The following AP3M1 variants were observed in gnomAD, a reference collection of about 807,000 sequenced individuals.
AP3M1 encodes the protein AP-3 complex subunit mu-1.
In AP3M1, 29 loss-of-function variants were observed where a neutral mutation model predicts 42.6. The ratio of observed to expected loss-of-function variants is 0.68; its 90% confidence interval spans 0.51 to 0.93. The LOEUF is 0.93. Ranked by LOEUF, AP3M1 falls within the 40% of genes least tolerant of loss-of-function variation. The pLI, the probability that AP3M1 is intolerant of heterozygous loss-of-function variation, is 0.00. For synonymous variants in AP3M1, 178 were observed against 175.3 expected, an observed-to-expected ratio of 1.02 and a Z score of -0.12; for missense variants, 416 against 510.2, an observed-to-expected ratio of 0.82 and a Z score of 1.78.
In AP3M1 at chr10:74,140,591, A is replaced by T. The variant is rs541753698; in HGVS notation, c.-3-2209T>A. ...TATGTAGAATTAAAAAGATTGAAAA[A>T]ATATATATATTTGAATTAAAAAAAA... On this transcript the variant is annotated intron_variant, in intron 1 of 8. Transcript: ENST00000355264. 3.1e-4 allele frequency among the ~76,000 whole-genome samples: 47 copies of T among 151,538 alleles called. No homozygotes were observed. In the East Asian group the frequency reaches 5.6e-3, roughly 18 times the overall value.
In AP3M1 at chr10:74,122,812, T is replaced by G. The variant is rs1392494061; in HGVS notation, c.*998A>C. ...CCCTTAAGAACAACAACAAAAAAGA[T>G]TTAAAAAGACTGATGACTGTGAGGC... On this transcript the variant is annotated 3_prime_UTR_variant, in exon 9 of 9. Transcript: ENST00000355264. 2 of 152,138 alleles carry G rather than the reference T, an allele frequency of 1.3e-5. No individual in the cohort carries two copies. Among genetic ancestry groups the G allele is most frequent in the East Asian group, 3.9e-4 (2 of 5,192 alleles). The allele number at this position is 152,138 out of a possible 1,614,324, so 9.4% of individuals were successfully genotyped here.
intron 3 of AP3M1, among the ~76,000 whole-genome samples, chr10:74,134,588 A>C (rs930279077): frequency 6.6e-6 from 1 of 152,242 alleles, no homozygotes; most frequent in African/African-American, 2.4e-5. Context: ...GATGCTGCCA[A>C]GCACGCCTCA....
At chr10:74,134,286 G>T in intron 3 of AP3M1, 122 bp from the exon 4 acceptor site, 1 of 1,058,570 alleles carries the variant, frequency 9.4e-7, no homozygotes, top group Non-Finnish European at 1.3e-6. Flanking sequence ...GTTGTGGATG[G>T]TCACTAGAAT....
At chr10:74,144,387 C>A (rs1214954716) in intron 1 of AP3M1, among the ~76,000 whole-genome samples, 1 of 152,018 alleles carries the variant, frequency 6.6e-6, no homozygotes, top group African/African-American at 2.4e-5. Context: ...ACTTCAGTCT[C>A]CTGAGTAGCT....
chr10:74,126,574 G>T (rs575857617), intron 6 of AP3M1, among the ~76,000 whole-genome samples: 10 of 152,120 alleles, frequency 6.6e-5, no homozygotes, highest in African/African-American at 2.2e-4. Flanking sequence ...TTGGCCAGGC[G>T]TGGTGGCTCA....
In AP3M1 at chr10:74,124,542, T is replaced by A; in HGVS notation, c.1012-18A>T. The A allele has an allele frequency of 4.5e-6, 7 of 1,569,422 alleles. No individual in the cohort carries two copies. The highest frequency in any genetic ancestry group is 6.0e-6 in the Non-Finnish European group (7 of 1,162,698). On this transcript the variant is annotated intron_variant, in intron 7 of 8. Coordinates refer to ENST00000355264, the MANE Select transcript of AP3M1 (RefSeq NM_012095.6). ...GTTAGTACCTTAAAAAGACAAAAAA[T>A]GAAAAACAAATAGAACCATTTATTA...
intron 1 of AP3M1, among the ~76,000 whole-genome samples, chr10:74,145,977 G>C (rs1841313396): frequency 6.6e-6 from 1 of 152,136 alleles, no homozygotes; most frequent in Admixed American, 6.5e-5. Context: ...CCAATATCTT[G>C]ACCACATATT....
intron 4 of AP3M1, 147 bp from the exon 5 acceptor site, chr10:74,130,139 T>C (rs1405667950): frequency 1.9e-5 from 12 of 630,604 alleles, no homozygotes; most frequent in Non-Finnish European, 3.0e-5. Flanking sequence ...TGTATGATCA[T>C]AGCTCACTGC....
At chr10:74,137,916 T>C (rs1421781279) in intron 2 of AP3M1, among the ~76,000 whole-genome samples, 191 bp downstream of exon 2, 2 of 152,118 alleles carry the variant, frequency 1.3e-5, no homozygotes, top group African/African-American at 4.8e-5. Flanking sequence ...CTGTAATACA[T>C]ATAAAAAATA....
At chr10:74,136,962 G>A (rs940954552) in intron 2 of AP3M1, among the ~76,000 whole-genome samples, 159 bp from the exon 3 acceptor site, 2 of 152,174 alleles carry the variant, frequency 1.3e-5, no homozygotes, top group Middle Eastern at 3.4e-3. Flanking sequence ...TCTATAGTCC[G>A]GGCATGGTGG....
chr10:74,139,856 G>A (rs1295908612), intron 1 of AP3M1, among the ~76,000 whole-genome samples: 32 of 145,532 alleles, frequency 2.2e-4, no homozygotes, highest in African/African-American at 7.6e-4. Flanking sequence ...GCAGTGAGCC[G>A]AGACTCAAGA....
intron 1 of AP3M1, among the ~76,000 whole-genome samples, chr10:74,147,233 C>T (rs1184579452): frequency 1.3e-5 from 2 of 152,022 alleles, no homozygotes; most frequent in Non-Finnish European, 2.9e-5. Flanking sequence ...TGCAGTGAGC[C>T]GAGATGGCGC....
intron 1 of AP3M1, among the ~76,000 whole-genome samples, chr10:74,142,321 A>G (rs1841179526): frequency 6.6e-6 from 1 of 152,214 alleles, no homozygotes; most frequent in African/African-American, 2.4e-5. Flanking sequence ...GTTTCTATGA[A>G]TGAAGATAAA....
chr10:74,129,929 G>C lies in AP3M1; in HGVS notation c.647C>G (p.Pro216Arg), dbSNP rs1306905140. 9 of 1,613,180 alleles carry C rather than the reference G, an allele frequency of 5.6e-6. No homozygotes were observed. The highest frequency in any genetic ancestry group is 1.3e-5 in the African/African-American group (1 of 74,842). The change falls in exon 5 of 9, where the codon CCT becomes CGT. Residue 216 changes from proline to arginine, a missense_variant. Coordinates refer to ENST00000355264, the MANE Select transcript of AP3M1 (RefSeq NM_012095.6). ...IDACIKLSGM[P>R]DLSLSFMNPR... ...TACCATGAAAGAAAGGGAGAGATCA[G>C]GCATTCCAGATAGTTTAATGCAAGC...
rs369844896 is a variant in AP3M1, at chr10:74,141,943, G to C, written c.-3-3561C>G. 3.2e-3 allele frequency among the ~76,000 whole-genome samples: 480 copies of C among 148,976 alleles called. 5 individuals are homozygous for C. The highest frequency in any genetic ancestry group is 0.011 in the African/African-American group (450 of 40,342). On this transcript the variant is annotated intron_variant, in intron 1 of 8. Transcript: ENST00000355264. ...TCACTATGTTGGCCAGGCTGGTCTT[G>C]AACTCCTGACCTCGTGATCCGCCTG...
At chr10:74,130,877 G>C (rs560231223) in intron 4 of AP3M1, among the ~76,000 whole-genome samples, 1 of 152,242 alleles carries the variant, frequency 6.6e-6, no homozygotes, top group South Asian at 2.1e-4. Flanking sequence ...TAGGGAGGCT[G>C]ACGTGGGTAG....
chr10:74,124,549 C>T, intron 7 of AP3M1, 25 bp from the exon 8 acceptor site: 1 of 1,555,808 alleles, frequency 6.4e-7, no homozygotes, highest in East Asian at 2.3e-5. Flanking sequence ...AAATGAAAAA[C>T]AAATAGAACC....
rs2131949014 is a variant in AP3M1, at chr10:74,120,862, T to C, written c.*2948A>G. 6.6e-6 allele frequency: 1 copy of C among 152,086 alleles called. No individual in the cohort carries two copies. The highest frequency in any genetic ancestry group is 1.9e-4 in the East Asian group (1 of 5,182). 9.4% of individuals were successfully genotyped at this position (152,086 alleles called of 1,614,324 possible). On this transcript the variant is annotated 3_prime_UTR_variant, in exon 9 of 9. Coordinates refer to ENST00000355264, the MANE Select transcript of AP3M1 (RefSeq NM_012095.6). ...ATTCCAAAGCCCAGTATAGAATAAATAGGGTTTTCAGGGATCCACCAGGGC... is the reference window on the plus strand; with the variant it reads ...ATTCCAAAGCCCAGTATAGAATAAACAGGGTTTTCAGGGATCCACCAGGGC...
At chr10:74,146,963 A>T (rs2132003276) in intron 1 of AP3M1, among the ~76,000 whole-genome samples, 1 of 152,274 alleles carries the variant, frequency 6.6e-6, no homozygotes, top group East Asian at 1.9e-4. Flanking sequence ...ATACTGTTAC[A>T]TGGCACAAAG....
Sources: allele counts gnomAD v4.1 joint callset (sites outside exome capture counted in the v4.1 genomes callset), GRCh38; gene constraint gnomAD v4.1.1; transcripts MANE v1.5; gene names NCBI Gene and HGNC (gene_info 2026-07-23, HGNC 2026-07-21).